DNASE1: variants seen among roughly 807,000 people sequenced by gnomAD.
The protein encoded by DNASE1 is deoxyribonuclease-1.
A neutral mutation model predicts 33.9 loss-of-function variants in DNASE1; 40 were observed. That is an observed-to-expected ratio of 1.18 (90% CI 0.92 to 1.54). DNASE1 has a LOEUF of 1.54. Among genes scored for constraint, DNASE1 ranks in the 40% most tolerant of loss-of-function variants. The probability of loss-of-function intolerance (pLI) is 0.00; values close to 1 mark genes in which losing one functional copy is unlikely to be tolerated. For synonymous variants in DNASE1, 216 were observed against 160.0 expected (o/e 1.35, Z -2.64); for missense variants, 518 against 372.6 (o/e 1.39, Z -3.21).
chr16:3,625,996 A>T (rs2041497588), intron 1 of DNASE1, among the ~76,000 whole-genome samples: 1 of 152,134 alleles, frequency 6.6e-6, no homozygotes, highest in Non-Finnish European at 1.5e-5. Context: ...GCTACTCTGG[A>T]AGCTGAGGTG....
At chr16:3,644,716 C>A (rs1260646885) in intron 1 of DNASE1, among the ~76,000 whole-genome samples, 1 of 147,832 alleles carries the variant, frequency 6.8e-6, no homozygotes, top group Admixed American at 6.8e-5. Flanking sequence ...GCCTGGGCGA[C>A]AGAGCGAGAC....
At chr16:3,630,133 T>TTGTGTGTGTG (rs200194109) in intron 1 of DNASE1, among the ~76,000 whole-genome samples, 1 of 150,622 alleles carries the variant, frequency 6.6e-6, no homozygotes, top group African/African-American at 2.4e-5. Context: ...TTGTTTTTTG[T>TTGTGTGTGTG]TGTGTGTGTG....
downstream of DNASE1, chr16:3,662,455 G>C (rs2043138395): frequency 1.9e-6 from 1 of 535,660 alleles, no homozygotes; most frequent in Non-Finnish European, 3.4e-6. Context: ...CCATGCATGG[G>C]ACGCTCATTT....
intron 1 of DNASE1, 70 bp downstream of exon 1, chr16:3,655,114 T>C: frequency 1.7e-6 from 1 of 598,564 alleles, no homozygotes; most frequent in Non-Finnish European, 3.0e-6. Flanking sequence ...TAGAGTCTCA[T>C]CCTCCAGCAG....
downstream of DNASE1, chr16:3,662,863 A>G: frequency 2.5e-6 from 4 of 1,612,928 alleles, no homozygotes; most frequent in Non-Finnish European, 3.4e-6. Flanking sequence ...GTGGTGGTCC[A>G]TCCCCGGGAA....
At chr16:3,631,125 C>T (rs554784718) in intron 1 of DNASE1, among the ~76,000 whole-genome samples, 3 of 151,600 alleles carry the variant, frequency 2.0e-5, no homozygotes, top group African/African-American at 4.8e-5. Context: ...TGAGTTCAAG[C>T]GATTCTCCTG....
downstream of DNASE1, chr16:3,662,426 G>C: frequency 3.6e-6 from 2 of 556,802 alleles, no homozygotes; most frequent in South Asian, 4.2e-5. Context: ...CCCTGCATGA[G>C]GCCCCTTCCT....
chr16:3,615,760 G>A (rs1377693296), intron 1 of DNASE1, among the ~76,000 whole-genome samples: 1 of 152,184 alleles, frequency 6.6e-6, no homozygotes, highest in African/African-American at 2.4e-5. Context: ...AAAAGGCAAA[G>A]GTTGAAGATG....
chr16:3,628,874 T>C (rs1596577215), intron 1 of DNASE1, among the ~76,000 whole-genome samples: 2 of 136,450 alleles, frequency 1.5e-5, no homozygotes, highest in African/African-American at 2.9e-5. Context: ...TTTTTTTTTT[T>C]CTTTAAAAAC....
intron 1 of DNASE1, among the ~76,000 whole-genome samples, chr16:3,620,599 T>C (rs1238547445): frequency 6.6e-6 from 1 of 152,090 alleles, no homozygotes; most frequent in East Asian, 1.9e-4. Flanking sequence ...AGCCATATTA[T>C]ATTCCATATT....
chr16:3,664,462 A>C, exon 10 of DNASE1: 1 of 1,607,962 alleles, frequency 6.2e-7, no homozygotes, highest in Non-Finnish European at 8.5e-7. Context: ...ATGTCCTCCT[A>C]GAAGGGACGG....
upstream of DNASE1, among the ~76,000 whole-genome samples, chr16:3,640,497 T>C (rs9929987): frequency 2.8e-3 from 432 of 152,358 alleles, no homozygotes; most frequent in African/African-American, 9.1e-3. Flanking sequence ...GTCTCCCTTA[T>C]CTTGGAATCA....
chr16:3,654,477 A>C, upstream of DNASE1: 2 of 398,624 alleles, frequency 5.0e-6, no homozygotes, highest in East Asian at 3.6e-5. Flanking sequence ...GCAACTTTGG[A>C]TGTGGCTTTG....
chr16:3,618,815 AGAATG>A (rs1331581640), intron 1 of DNASE1, among the ~76,000 whole-genome samples: 2 of 152,246 alleles, frequency 1.3e-5, no homozygotes, highest in Non-Finnish European at 2.9e-5. Context: ...AATGTAGTAT[AGAATG>A]GAATACATGT....
chr16:3,629,617 T>C (rs1424062089), intron 1 of DNASE1, among the ~76,000 whole-genome samples: 4 of 152,216 alleles, frequency 2.6e-5, no homozygotes, highest in Non-Finnish European at 4.4e-5. Context: ...TATTTCTTAC[T>C]CTCCACTTTT....
exon 10 of DNASE1, chr16:3,663,358 G>A (rs1420758694): frequency 1.3e-6 from 2 of 1,595,662 alleles, no homozygotes; most frequent in Non-Finnish European, 1.7e-6. Context: ...AGCCCTCGCT[G>A]CGGGGCAGGA....
chr16:3,615,393 T>TA (rs1305034349), intron 1 of DNASE1, among the ~76,000 whole-genome samples: 1 of 152,188 alleles, frequency 6.6e-6, no homozygotes, highest in African/African-American at 2.4e-5. Context: ...TTGTGACTGT[T>TA]ACTCCAGCAG....
At position 3,627,435 on chromosome 16, in the gene DNASE1, G is replaced by C. The variant is rs1040212874; in HGVS notation, c.-1358-13280G>C. ...TATGGGTGTGTGCCACCATGGCTGG[G>C]TAATTTTATTTTTTATTTTTTTATA... On this transcript the variant is annotated intron_variant and NMD_transcript_variant, in intron 1 of 11. Transcript: ENST00000570769. Among the ~76,000 whole-genome samples the C allele has an allele frequency of 2.6e-5, 4 of 151,850 alleles. 1 individual carries two copies. Among genetic ancestry groups the C allele is most frequent in the African/African-American group, 9.7e-5 (4 of 41,388 alleles).
intron 1 of DNASE1, among the ~76,000 whole-genome samples, chr16:3,647,394 C>T (rs1161770276): frequency 1.3e-5 from 2 of 151,964 alleles, no homozygotes; most frequent in African/African-American, 4.8e-5. Flanking sequence ...CTACCTCAGC[C>T]TCCTGAGTAG....
Sources: gnomAD v4.1 joint callset for allele counts (sites outside exome capture counted in the v4.1 genomes callset) on GRCh38, gnomAD v4.1.1 for gene constraint, MANE v1.5 for transcripts, NCBI Gene and HGNC (gene_info 2026-07-23, HGNC 2026-07-21) for gene names.